The following GTPBP6 variants were observed in gnomAD, a reference collection of about 807,000 sequenced individuals.
The protein encoded by GTPBP6 is putative GTP-binding protein 6.
In GTPBP6, 33 loss-of-function variants were observed where a neutral mutation model predicts 28.9. The observed-to-expected ratio is 1.14, with a 90% CI of 0.87 to 1.53. The LOEUF (loss-of-function observed/expected upper bound fraction) is 1.53, where lower values mean the gene tolerates loss of function less well. GTPBP6 is among the 40% of genes most tolerant of loss of function. GTPBP6 has a pLI of 0.00. For missense variants in GTPBP6, 507 were observed against 408.3 expected (o/e 1.24, Z -2.08); for synonymous variants, 231 against 192.7 (o/e 1.20, Z -1.65).
At chrX:311,756 G>A (rs1180469129) in intron 6 of GTPBP6, 129 bp from the exon 7 acceptor site, 15 of 753,328 alleles carry the variant, frequency 2.0e-5, no homozygotes, top group Non-Finnish European at 2.7e-5. Context: ...CACGGTCCCT[G>A]AGCTCCTCGG....
exon 8 of GTPBP6, chrX:307,848 G>A: frequency 1.9e-6 from 3 of 1,542,680 alleles, no homozygotes; most frequent in Non-Finnish European, 1.7e-6. Context: ...CCGCCTCGGG[G>A]TGGCTGACGT....
At chrX:318,251 CA>C (rs2124482205) in intron 1 of GTPBP6, among the ~76,000 whole-genome samples, 187 bp downstream of exon 1, 1 of 151,242 alleles carries the variant, frequency 6.6e-6, no homozygotes, top group African/African-American at 2.4e-5. Context: ...ATCCTTCCTG[CA>C]GAGCCCCGCC....
At chrX:309,075 G>T (rs2070232514) in intron 7 of GTPBP6, among the ~76,000 whole-genome samples, 1 of 152,098 alleles carries the variant, frequency 6.6e-6, no homozygotes, top group African/African-American at 2.4e-5. Flanking sequence ...CTCCGGGCGG[G>T]GTTCAGTCCC....
chrX:310,632 C>T (rs1409354154), intron 7 of GTPBP6, among the ~76,000 whole-genome samples: 43 of 150,386 alleles, frequency 2.9e-4, no homozygotes, highest in African/African-American at 8.4e-4. Context: ...GAGACACAGA[C>T]ACAGAGGAGA....
At chrX:307,040 G>A (rs985221808) in intron 9 of GTPBP6, among the ~76,000 whole-genome samples, 6 of 149,178 alleles carry the variant, frequency 4.0e-5, no homozygotes, top group Non-Finnish European at 5.9e-5. Flanking sequence ...TATGCAGTCA[G>A]AAATGTATTT....
chrX:309,489 G>C (rs1441899138), intron 7 of GTPBP6, among the ~76,000 whole-genome samples: 8 of 152,188 alleles, frequency 5.3e-5, no homozygotes, highest in African/African-American at 1.9e-4. Context: ...ATGTGGGGCA[G>C]ACACAGAAGA....
At chrX:318,413 T>A in intron 1 of GTPBP6, 26 bp downstream of exon 1, 3 of 393,506 alleles carry the variant, frequency 7.6e-6, no homozygotes, top group Non-Finnish European at 1.3e-5. Flanking sequence ...CTCCTGTTTC[T>A]CCCCCGAAAG....
intron 4 of GTPBP6, 45 bp from the exon 5 acceptor site, chrX:314,262 C>G: frequency 6.6e-7 from 1 of 1,509,288 alleles, no homozygotes; most frequent in African/African-American, 1.4e-5. Flanking sequence ...GACGCTGTCT[C>G]CCTCCCGGCA....
chrX:305,041 G>A (rs1569344321), exon 10 of GTPBP6: 3 of 1,608,484 alleles, frequency 1.9e-6, no homozygotes, highest in Non-Finnish European at 1.7e-6. Context: ...AGGCAGCGAT[G>A]CCCCCACCCC....
chrX:311,200 A>ACT (rs2124457310), intron 7 of GTPBP6, among the ~76,000 whole-genome samples: 1 of 151,058 alleles, frequency 6.6e-6, no homozygotes, highest in African/African-American at 2.4e-5. Flanking sequence ...TGGGTGTCTG[A>ACT]GGGCCCGGCC....
intron 7 of GTPBP6, among the ~76,000 whole-genome samples, chrX:309,226 G>T (rs868296989): frequency 6.6e-6 from 1 of 152,056 alleles, no homozygotes; most frequent in Non-Finnish European, 1.5e-5. Flanking sequence ...ATATTTCCCC[G>T]TGCTCTTCAT....
Position 306,949 on chromosome X carries a change from C to G in GTPBP6, c.1427+411G>C, listed in dbSNP as rs112963710. On this transcript the variant is annotated intron_variant, in intron 9 of 9. Coordinates refer to ENST00000326153, the Ensembl canonical transcript of GTPBP6. ...ATGCAGTCAGAAATGTACATTTTGACTGTCAGCACAGATTAGGCACCTGTT... is the reference window on the plus strand; with the variant it reads ...ATGCAGTCAGAAATGTACATTTTGAGTGTCAGCACAGATTAGGCACCTGTT... Among the ~76,000 whole-genome samples the G allele has an allele frequency of 7.0e-3, 975 of 138,686 alleles. 19 individuals carry two copies. The highest frequency in any genetic ancestry group is 0.026 in the African/African-American group (892 of 33,758). The allele number at this position is 138,686 out of a possible 152,430, so 91.0% of individuals were successfully genotyped here. A position where few individuals can be genotyped will look rare whatever the true frequency, so the allele number is the denominator to read the frequency against.
At chrX:315,624 GACAGACAC>G (rs2070419119) in intron 2 of GTPBP6, among the ~76,000 whole-genome samples, 14 of 15,266 alleles carry the variant, frequency 9.2e-4, no homozygotes, top group East Asian at 2.1e-3. Flanking sequence ...CAGACACACA[GACAGACAC>G]ACAGAGACAC....
At chrX:315,084 G>C (rs1398749068) in intron 3 of GTPBP6, 64 bp from the exon 4 acceptor site, 11 of 398,618 alleles carry the variant, frequency 2.8e-5, no homozygotes, top group African/African-American at 4.1e-5. Context: ...GCCAATGTGA[G>C]AGGAAGGAGG....
intron 7 of GTPBP6, among the ~76,000 whole-genome samples, chrX:308,772 TCA>T (rs1396172990): frequency 6.9e-6 from 1 of 144,986 alleles, no homozygotes; most frequent in East Asian, 2.1e-4. Context: ...TCTCGCTCTG[TCA>T]CACAGGCTGG....
intron 5 of GTPBP6, 37 bp downstream of exon 5, chrX:314,113 G>T: frequency 1.3e-6 from 2 of 1,524,036 alleles, no homozygotes; most frequent in Non-Finnish European, 1.8e-6. Flanking sequence ...ACCGCATTCC[G>T]AGGACCCTCT....
exon 9 of GTPBP6, chrX:307,487 C>A: frequency 1.2e-6 from 2 of 1,611,460 alleles, no homozygotes; most frequent in Non-Finnish European, 8.5e-7. Flanking sequence ...GACACGGGCA[C>A]GACGTTCGGT....
exon 1 of GTPBP6, chrX:318,477 T>C: frequency 2.5e-6 from 1 of 398,276 alleles, no homozygotes; most frequent in Non-Finnish European, 4.4e-6. Flanking sequence ...CCACTTGACG[T>C]CAGGGTGAAC....
intron 9 of GTPBP6, among the ~76,000 whole-genome samples, chrX:306,436 A>C (rs2070166585): frequency 6.9e-6 from 1 of 145,868 alleles, no homozygotes; most frequent in Non-Finnish European, 1.5e-5. Context: ...TGTCAGCATA[A>C]TTAGGCACCT....
Sources: gnomAD v4.1 joint callset for allele counts (sites outside exome capture counted in the v4.1 genomes callset) on GRCh38, gnomAD v4.1.1 for gene constraint, MANE v1.5 for transcripts, NCBI Gene and HGNC (gene_info 2026-07-23, HGNC 2026-07-21) for gene names.